The following BZW2 variants were observed in gnomAD, a reference collection of about 807,000 sequenced individuals.
BZW2 encodes eIF5-mimic protein 1.
BZW2 carries 23 observed loss-of-function variants against 53.2 expected under a neutral mutation model. The ratio of observed to expected loss-of-function variants is 0.43; its 90% CI spans 0.31 to 0.61. BZW2 has a LOEUF of 0.61. Ranked by LOEUF, BZW2 falls within the 20% of genes least tolerant of loss-of-function variation. BZW2 has a pLI of 0.09. For missense variants in BZW2, 409 were observed against 503.1 expected, an observed-to-expected ratio of 0.81 and a Z score of 1.79; for synonymous variants, 227 against 186.4, an observed-to-expected ratio of 1.22 and a Z score of -1.77.
intron 2 of BZW2, among the ~76,000 whole-genome samples, chr7:16,667,279 C>CAAAAAA (rs748681228): frequency 6.6e-5 from 4 of 60,308 alleles, no homozygotes; most frequent in Non-Finnish European, 7.5e-5. Flanking sequence ...AGCTCCATCT[C>CAAAAAA]AAAAAAAAAA....
intron 1 of BZW2, among the ~76,000 whole-genome samples, chr7:16,650,319 T>A (rs999578815): frequency 1.3e-5 from 2 of 152,170 alleles, no homozygotes; most frequent in African/African-American, 4.8e-5. Context: ...TACATTTAGT[T>A]TAACTGAGAA....
Position 16,694,878 on chromosome 7 carries a change from A to G in BZW2, c.696A>G (p.Lys232=), listed in dbSNP as rs759926506. 3.8e-6 allele frequency: 6 copies of G among 1,569,316 alleles called. No homozygotes were observed. Among genetic ancestry groups the G allele is most frequent in the South Asian group, 1.2e-5 (1 of 86,722 alleles). Residue 232 remains lysine (K), a synonymous_variant, in exon 8 of 12, where the codon AAA becomes AAG. Transcript: ENST00000258761. The part of the protein sequence containing the change: ...VNRQSVDHFA[K]YFTDAGLKEL... ...GACAGAGTGTGGATCATTTTGCTAA[A>G]TACTTCACTGACGCAGGTCTTAAGG...
At chr7:16,674,781 A>C (rs1226717450) in intron 3 of BZW2, among the ~76,000 whole-genome samples, 193 bp downstream of exon 3, 1 of 152,196 alleles carries the variant, frequency 6.6e-6, no homozygotes, top group East Asian at 1.9e-4. Flanking sequence ...TTATTGGTTA[A>C]TAGAAGCATA....
rs376588393 is a variant in BZW2, at chr7:16,650,002, C to T, written c.-8+3714C>T. 5.3e-5 allele frequency among the ~76,000 whole-genome samples: 8 copies of T among 152,108 alleles called. No homozygotes were observed. The South Asian group carries it at 8.3e-4, about 16-fold the overall frequency. On this transcript the variant is annotated intron_variant, in intron 1 of 11. Transcript: ENST00000258761. ...AGAAAATTTGGAAGTATTACAGCCT[C>T]TAAGAAATCTTTTTTTTTTAAACAC...
intron 2 of BZW2, among the ~76,000 whole-genome samples, chr7:16,674,179 C>T (rs913761398): frequency 5.9e-5 from 9 of 152,180 alleles, no homozygotes. Context: ...GGATTACAGG[C>T]GTGAGCCACC....
At chr7:16,659,859 T>A (rs987673815) in intron 1 of BZW2, among the ~76,000 whole-genome samples, 15 of 152,092 alleles carry the variant, frequency 9.9e-5, no homozygotes, top group Admixed American at 2.0e-4. Context: ...TTTATTTTTT[T>A]TTTTATTATA....
At chr7:16,681,204 T>C (rs916629569) in intron 3 of BZW2, 97 bp from the exon 4 acceptor site, 6 of 946,628 alleles carry the variant, frequency 6.3e-6, no homozygotes, top group Non-Finnish European at 9.7e-6. Context: ...TACATCTACT[T>C]TGATTATTTT....
At chr7:16,652,926 G>A (rs1782023379) in intron 1 of BZW2, among the ~76,000 whole-genome samples, 1 of 152,162 alleles carries the variant, frequency 6.6e-6, no homozygotes, top group South Asian at 2.1e-4. Context: ...CTGTAAAGTT[G>A]TGTTGGGGAA....
intron 7 of BZW2, among the ~76,000 whole-genome samples, chr7:16,691,681 G>GTTCT (rs1783312117): frequency 6.6e-6 from 1 of 152,230 alleles, no homozygotes; most frequent in Admixed American, 6.5e-5. Flanking sequence ...CAAGGAGGGG[G>GTTCT]TTCTCTTAAT....
chr7:16,682,929 G>T, intron 5 of BZW2, 84 bp downstream of exon 5: 1 of 894,796 alleles, frequency 1.1e-6, no homozygotes, highest in Non-Finnish European at 1.6e-6. Flanking sequence ...CGGACACGGT[G>T]GCTCACGCCT....
intron 5 of BZW2, among the ~76,000 whole-genome samples, chr7:16,684,514 ATT>A (rs1299001858): frequency 3.3e-5 from 5 of 152,218 alleles, no homozygotes; most frequent in Non-Finnish European, 1.5e-5. Context: ...GATTAAGTAT[ATT>A]TTAAATGAAT....
intron 2 of BZW2, among the ~76,000 whole-genome samples, chr7:16,673,962 C>G (rs1014481413): frequency 2.2e-5 from 2 of 91,662 alleles, no homozygotes; most frequent in Non-Finnish European, 5.7e-5. Flanking sequence ...TGCAATGGCA[C>G]TGTCTCTGCT....
At chr7:16,666,435 G>T (rs535769198) in intron 2 of BZW2, among the ~76,000 whole-genome samples, 2 of 116,480 alleles carry the variant, frequency 1.7e-5, no homozygotes, top group African/African-American at 6.0e-5. Context: ...ACGGAGTCTT[G>T]CTCCGTCGTC....
At chr7:16,661,928 G>A (rs1284231427) in intron 1 of BZW2, among the ~76,000 whole-genome samples, 1 of 152,096 alleles carries the variant, frequency 6.6e-6, no homozygotes, top group Non-Finnish European at 1.5e-5. Flanking sequence ...TTAAACTTAA[G>A]TATTTTTAGT....
chr7:16,705,894 A>G (rs1299446991), intron 11 of BZW2, among the ~76,000 whole-genome samples, 166 bp from the exon 12 acceptor site: 4 of 152,006 alleles, frequency 2.6e-5, no homozygotes, highest in Non-Finnish European at 5.9e-5. Flanking sequence ...AGAAAAGAGC[A>G]AGAGTTTGCT....
At chr7:16,672,739 A>G (rs1283728624) in intron 2 of BZW2, among the ~76,000 whole-genome samples, 1 of 152,156 alleles carries the variant, frequency 6.6e-6, no homozygotes, top group Non-Finnish European at 1.5e-5. Flanking sequence ...TCTTATCAAC[A>G]GTATATGATC....
At chr7:16,672,934 G>A (rs1782649903) in intron 2 of BZW2, among the ~76,000 whole-genome samples, 1 of 150,600 alleles carries the variant, frequency 6.6e-6, no homozygotes, top group East Asian at 1.9e-4. Context: ...ATTGCTCTGT[G>A]TTTGTCTTAT....
chr7:16,674,167 T>C (rs906136330), intron 2 of BZW2, among the ~76,000 whole-genome samples: 1 of 152,242 alleles, frequency 6.6e-6, no homozygotes, highest in Non-Finnish European at 1.5e-5. Context: ...CCCAAAGTGC[T>C]GGGATTACAG....
intron 4 of BZW2, among the ~76,000 whole-genome samples, chr7:16,682,276 A>G (rs1045298553): frequency 6.6e-6 from 1 of 152,220 alleles, no homozygotes; most frequent in African/African-American, 2.4e-5. Context: ...TTACTAATAC[A>G]GTTGCAAACT....
Sources: allele counts gnomAD v4.1 joint callset (sites outside exome capture counted in the v4.1 genomes callset), GRCh38; gene constraint gnomAD v4.1.1; transcripts MANE v1.5; gene names NCBI Gene and HGNC (gene_info 2026-07-23, HGNC 2026-07-21).